Variants in LAMA2 observed in about 807,000 individuals in gnomAD.
LAMA2 encodes laminin subunit alpha-2.
LAMA2 carries 269 observed loss-of-function variants against 364.8 expected under a neutral mutation model. The ratio of observed to expected loss-of-function variants is 0.74; its 90% CI spans 0.67 to 0.82. LAMA2 has a LOEUF of 0.82. LAMA2 is among the 40% of genes least tolerant of loss of function. The pLI is 0.00. For synonymous variants in LAMA2, 1,379 were observed against 1,370.6 expected, an observed-to-expected ratio of 1.01 and a Z score of -0.14; for missense variants, 3,807 against 3,873.2, an observed-to-expected ratio of 0.98 and a Z score of 0.45.
chr6:129,415,557 C>T (rs528801847), intron 40 of LAMA2, among the ~76,000 whole-genome samples: 2 of 152,158 alleles, frequency 1.3e-5, no homozygotes, highest in African/African-American at 4.8e-5. Flanking sequence ...ATCTAAATAA[C>T]CATGGTGGCT....
chr6:129,265,385 A>G (rs1035329528), intron 15 of LAMA2, among the ~76,000 whole-genome samples: 3 of 152,208 alleles, frequency 2.0e-5, no homozygotes, highest in African/African-American at 4.8e-5. Flanking sequence ...TATTAAAACA[A>G]AACAAAAAAA....
chr6:128,954,943 A>G (rs1781052340), intron 1 of LAMA2, among the ~76,000 whole-genome samples: 1 of 151,798 alleles, frequency 6.6e-6, no homozygotes, highest in African/African-American at 2.4e-5. Flanking sequence ...GAAGAATGTA[A>G]TTTGTGAACT....
chr6:129,227,625 G>A (rs140999714), intron 12 of LAMA2, among the ~76,000 whole-genome samples: 9,833 of 152,226 alleles, frequency 0.065, 360 homozygotes, highest in Middle Eastern at 0.088. Context: ...TATCAGCAGC[G>A]GAGGCTGCAG....
intron 1 of LAMA2, among the ~76,000 whole-genome samples, chr6:129,024,382 C>CTTTTTTTTTT (rs202105513): frequency 8.6e-6 from 1 of 116,794 alleles, no homozygotes; most frequent in African/African-American, 2.9e-5. Context: ...TCTTTTCTTT[C>CTTTTTTTTTT]TTTTTTTTTT....
chr6:128,957,231 T>G (rs1047585952), intron 1 of LAMA2, among the ~76,000 whole-genome samples: 6 of 152,142 alleles, frequency 3.9e-5, no homozygotes, highest in African/African-American at 1.4e-4. Context: ...GTATTTGGAC[T>G]CCAGTACTAT....
chr6:129,171,512 T>C (rs1451572110), intron 9 of LAMA2, among the ~76,000 whole-genome samples: 1 of 152,150 alleles, frequency 6.6e-6, no homozygotes, highest in South Asian at 2.1e-4. Flanking sequence ...CCCCACTCTC[T>C]TCCGGCTTGT....
At chr6:129,201,204 A>G (rs189889573) in intron 12 of LAMA2, among the ~76,000 whole-genome samples, 1 of 152,312 alleles carries the variant, frequency 6.6e-6, no homozygotes, top group Non-Finnish European at 1.5e-5. Context: ...GACAGTCTCC[A>G]GGGTGAAGTG....
In LAMA2 at chr6:129,315,508, C is replaced by T; in HGVS notation, c.3588C>T (p.Pro1196=). ...VTLKAEQTIL[P]LVDEALQHTT... is the part of the protein sequence containing the mutation. ...TGAAGGCTGAGCAGACCATTCTACC[C>T]CTGGTAGATGAGGCTCTGCAGCACA... The change falls in exon 25 of 65, where the codon CCC becomes CCT. Residue 1196 remains proline, a synonymous_variant. Transcript: ENST00000421865. 1 of 1,614,048 alleles carries T rather than the reference C, an allele frequency of 6.2e-7. No individual in the cohort carries two copies. Among genetic ancestry groups the T allele is most frequent in the South Asian group, 1.1e-5 (1 of 91,064 alleles).
chr6:129,110,734 C>T (rs1247157157), intron 4 of LAMA2, among the ~76,000 whole-genome samples: 2 of 152,018 alleles, frequency 1.3e-5, no homozygotes, highest in African/African-American at 4.8e-5. Flanking sequence ...CAGGTCCAGT[C>T]CAGATCTTCT....
chr6:129,048,540 C>CCTTTCTTT (rs1308439018), intron 1 of LAMA2, among the ~76,000 whole-genome samples: 59 of 53,982 alleles, frequency 1.1e-3, no homozygotes, highest in Middle Eastern at 0.022. Context: ...TTCCTTCCTT[C>CCTTTCTTT]CTTTCTTTCT....
At chr6:129,209,870 A>C (rs1415028792) in intron 12 of LAMA2, among the ~76,000 whole-genome samples, 1 of 151,820 alleles carries the variant, frequency 6.6e-6, no homozygotes, top group African/African-American at 2.4e-5. Context: ...CAGGCAGGGT[A>C]GCGGGCACCT....
intron 4 of LAMA2, among the ~76,000 whole-genome samples, chr6:129,117,708 C>A (rs949686562): frequency 2.0e-5 from 3 of 152,192 alleles, no homozygotes; most frequent in Non-Finnish European, 4.4e-5. Flanking sequence ...CGATCACATG[C>A]CTTGTGCCAA....
intron 2 of LAMA2, among the ~76,000 whole-genome samples, chr6:129,055,869 C>A (rs192822025): frequency 6.6e-6 from 1 of 152,194 alleles, no homozygotes; most frequent in Non-Finnish European, 1.5e-5. Context: ...GGATGTTATA[C>A]GTTTCTATCT....
At chr6:128,914,071 TC>T (rs1343344383) in intron 1 of LAMA2, among the ~76,000 whole-genome samples, 1 of 152,194 alleles carries the variant, frequency 6.6e-6, no homozygotes, top group East Asian at 1.9e-4. Flanking sequence ...TCCATTTTTT[TC>T]CTCAAGGTTA....
intron 37 of LAMA2, among the ~76,000 whole-genome samples, chr6:129,394,375 A>G (rs1779491165): frequency 6.6e-6 from 1 of 152,234 alleles, no homozygotes; most frequent in Admixed American, 6.5e-5. Flanking sequence ...GATTTTTTAA[A>G]TCTATTCATT....
intron 4 of LAMA2, among the ~76,000 whole-genome samples, chr6:129,099,482 G>A (rs1312265161): frequency 6.6e-6 from 1 of 151,846 alleles, no homozygotes; most frequent in Non-Finnish European, 1.5e-5. Context: ...TCTCCCTTTA[G>A]TATATGTGAC....
chr6:129,033,168 T>C (rs1407018969), intron 1 of LAMA2, among the ~76,000 whole-genome samples: 1 of 148,450 alleles, frequency 6.7e-6, no homozygotes, highest in Non-Finnish European at 1.5e-5. Context: ...AAGAATGAAA[T>C]AAGAAAATGA....
At chr6:129,290,535 G>T (rs914314392) in intron 19 of LAMA2, among the ~76,000 whole-genome samples, 2 of 152,100 alleles carry the variant, frequency 1.3e-5, no homozygotes, top group African/African-American at 4.8e-5. Context: ...TAAAATATTA[G>T]CATAGGCTGA....
chr6:129,334,970 C>A (rs1395595983), intron 29 of LAMA2, among the ~76,000 whole-genome samples: 2 of 152,156 alleles, frequency 1.3e-5, no homozygotes, highest in East Asian at 1.9e-4. Context: ...CCATAGCAAG[C>A]CTTAACCCCC....
Sources: allele counts gnomAD v4.1 joint callset (sites outside exome capture counted in the v4.1 genomes callset), GRCh38; gene constraint gnomAD v4.1.1; transcripts MANE v1.5; gene names NCBI Gene and HGNC (gene_info 2026-07-23, HGNC 2026-07-21).